Variants in ARMC10 observed in about 807,000 individuals in gnomAD.
ARMC10 encodes armadillo repeat-containing protein 10.
ARMC10 carries 23 observed loss-of-function variants against 30.2 expected under a neutral mutation model. The observed-to-expected ratio is 0.76, with a 90% CI of 0.55 to 1.08. ARMC10 has a LOEUF of 1.08. Among genes scored for constraint, ARMC10 ranks in the 50% least tolerant of loss-of-function variants. The pLI is 0.00. For missense variants in ARMC10, 303 were observed against 413.7 expected (o/e 0.73, Z 2.32); for synonymous variants, 111 against 164.4 (o/e 0.68, Z 2.48).
chr7:103,077,674 G>A (rs962435020), intron 2 of ARMC10, among the ~76,000 whole-genome samples: 3 of 152,102 alleles, frequency 2.0e-5, no homozygotes, highest in Admixed American at 6.5e-5. Context: ...CATGAGTTTC[G>A]CAGGAGACAT....
intron 5 of ARMC10, among the ~76,000 whole-genome samples, chr7:103,094,970 TATTTGATAAAAACAGTAAAA>T (rs1801642913): frequency 6.6e-6 from 1 of 152,052 alleles, no homozygotes; most frequent in Non-Finnish European, 1.5e-5. Context: ...AATAAAGAAA[TATTTGATAAAAACAGTAAAA>T]TTAAGCAAAG....
At chr7:103,095,081 C>G (rs1225465915) in intron 5 of ARMC10, among the ~76,000 whole-genome samples, 1 of 152,098 alleles carries the variant, frequency 6.6e-6, no homozygotes, top group African/African-American at 2.4e-5. Context: ...GCATAAAAGA[C>G]CAAAAAGAAA....
At chr7:103,084,161 G>T in intron 3 of ARMC10, 3 of 631,690 alleles carry the variant, frequency 4.7e-6, no homozygotes, top group Non-Finnish European at 7.2e-6. Context: ...TAACATTTAA[G>T]TACATACTTT....
At chr7:103,078,303 T>A (rs1483649668) in intron 2 of ARMC10, among the ~76,000 whole-genome samples, 1 of 152,184 alleles carries the variant, frequency 6.6e-6, no homozygotes, top group African/African-American at 2.4e-5. Flanking sequence ...AATCCCATAA[T>A]CCCTACATCG....
chr7:103,097,144 G>A (rs1017472221), intron 5 of ARMC10, 133 bp from the exon 6 acceptor site: 6 of 729,996 alleles, frequency 8.2e-6, no homozygotes, highest in East Asian at 7.6e-5. Flanking sequence ...GTTTCCTGGA[G>A]TAGAGAGAAT....
intron 4 of ARMC10, among the ~76,000 whole-genome samples, chr7:103,090,982 A>ATT (rs60318301): frequency 9.2e-5 from 14 of 152,052 alleles, no homozygotes; most frequent in Admixed American, 2.0e-4. Context: ...TACATTTGGG[A>ATT]TTTTTTTTAA....
At chr7:103,081,389 AAAAC>A (rs779935492) in intron 2 of ARMC10, among the ~76,000 whole-genome samples, 8 of 152,230 alleles carry the variant, frequency 5.3e-5, no homozygotes, top group Non-Finnish European at 1.2e-4. Flanking sequence ...AACAAAAACA[AAAAC>A]AAGGTTTCAT....
intron 4 of ARMC10, among the ~76,000 whole-genome samples, chr7:103,091,725 C>A (rs951017216): frequency 6.6e-6 from 1 of 152,132 alleles, no homozygotes. Flanking sequence ...GTGCGCAGAC[C>A]GCAGACCAGT....
Position 103,075,872 on chromosome 7 carries a change from T to G in ARMC10, c.235T>G (p.Ser79Ala), listed in dbSNP as rs990246546. 1 of 1,600,296 alleles carries G rather than the reference T, an allele frequency of 6.2e-7. No homozygotes were observed. Residue 79 changes from serine (S) to alanine (A), a missense_variant, in exon 2 of 7, where the codon TCG becomes GCG. This residue lies in a region of ARMC10 where 96 missense variants were observed against 84.2 expected (regional missense o/e 1.14). Transcript: ENST00000323716. ...GTWESQWSKT[S>A]QPEDLTDGSY... ...CTGGGAGTCACAGTGGTCCAAGACC[T>G]CGCAGCCTGGTGTGTGTTTTGGAAA...
intron 2 of ARMC10, among the ~76,000 whole-genome samples, chr7:103,080,191 T>G (rs1254430426): frequency 6.6e-6 from 1 of 152,242 alleles, no homozygotes; most frequent in Non-Finnish European, 1.5e-5. Context: ...ATGATCGCCC[T>G]CCTGTAAAAT....
intron 3 of ARMC10, 83 bp from the exon 4 acceptor site, chr7:103,086,547 T>C: frequency 7.1e-7 from 1 of 1,409,910 alleles, no homozygotes; most frequent in South Asian, 1.3e-5. Context: ...TTTTTAATTG[T>C]ATTTGTGGAT....
At chr7:103,079,008 T>C (rs1563316438) in intron 2 of ARMC10, among the ~76,000 whole-genome samples, 3 of 151,988 alleles carry the variant, frequency 2.0e-5, no homozygotes, top group Non-Finnish European at 4.4e-5. Flanking sequence ...GACTCTGTCT[T>C]AAAAAATAAA....
intron 6 of ARMC10, among the ~76,000 whole-genome samples, chr7:103,097,562 C>T (rs1801857914): frequency 6.6e-6 from 1 of 152,126 alleles, no homozygotes; most frequent in African/African-American, 2.4e-5. Flanking sequence ...TAAAAATTCA[C>T]CCTAGCAACA....
chr7:103,088,506 A>G (rs1334346151), intron 4 of ARMC10, among the ~76,000 whole-genome samples: 1 of 152,186 alleles, frequency 6.6e-6, no homozygotes, highest in African/African-American at 2.4e-5. Flanking sequence ...TGCCAGCCAT[A>G]AAATAAATTT....
At chr7:103,090,728 T>TAAAAAAAAA (rs34277044) in intron 4 of ARMC10, among the ~76,000 whole-genome samples, 7 of 140,926 alleles carry the variant, frequency 5.0e-5, no homozygotes, top group African/African-American at 1.9e-4. Context: ...AACCCATTTC[T>TAAAAAAAAA]AAAAAAAAAA....
chr7:103,089,505 T>C (rs1403469476), intron 4 of ARMC10: 2 of 198,034 alleles, frequency 1.0e-5, no homozygotes, highest in Admixed American at 4.6e-5. Flanking sequence ...TTACAACTAA[T>C]GGTCTTTTGG....
At chr7:103,087,276 G>C (rs2073464700) in intron 4 of ARMC10, among the ~76,000 whole-genome samples, 1 of 152,176 alleles carries the variant, frequency 6.6e-6, no homozygotes, top group Admixed American at 6.5e-5. Flanking sequence ...CAATGGATGA[G>C]GCAAATGTGC....
chr7:103,082,329 TTG>T (rs1225189139), intron 2 of ARMC10, among the ~76,000 whole-genome samples: 1 of 151,592 alleles, frequency 6.6e-6, no homozygotes, highest in East Asian at 1.9e-4. Flanking sequence ...TTATTTATTT[TTG>T]TGTGTGTGTG....
intron 2 of ARMC10, among the ~76,000 whole-genome samples, chr7:103,078,603 A>G (rs963475536): frequency 4.6e-5 from 7 of 152,222 alleles, no homozygotes; most frequent in African/African-American, 1.7e-4. Context: ...CAGCATGAGA[A>G]TGGACTAATA....
Sources: gnomAD v4.1 joint callset for allele counts (sites outside exome capture counted in the v4.1 genomes callset) on GRCh38, gnomAD v4.1.1 for gene constraint, gnomAD v4.1.1 regional missense constraint, MANE v1.5 for transcripts, NCBI Gene and HGNC (gene_info 2026-07-23, HGNC 2026-07-21) for gene names.